PLCE1: variants seen among roughly 807,000 people sequenced by gnomAD.
PLCE1 encodes 1-phosphatidylinositol 4,5-bisphosphate phosphodiesterase epsilon-1.
PLCE1 carries 119 observed loss-of-function variants against 242.8 expected under a neutral mutation model. The observed-to-expected ratio is 0.49, with a 90% confidence interval of 0.42 to 0.57. The LOEUF is 0.57. Among genes scored for constraint, PLCE1 ranks in the 20% least tolerant of loss-of-function variants. The pLI is 0.00. For synonymous variants in PLCE1, 945 were observed against 1,017.4 expected, an observed-to-expected ratio of 0.93 and a Z score of 1.35; for missense variants, 2,441 against 2,788.8, an observed-to-expected ratio of 0.88 and a Z score of 2.81.
chr10:94,250,776 A>G (rs2050847724), intron 8 of PLCE1, among the ~76,000 whole-genome samples: 2 of 152,356 alleles, frequency 1.3e-5, no homozygotes, highest in South Asian at 4.1e-4. Flanking sequence ...GGGCCTATTA[A>G]GCTTTTAAAG....
At chr10:94,126,916 C>G (rs2046451698) in intron 2 of PLCE1, among the ~76,000 whole-genome samples, 2 of 152,098 alleles carry the variant, frequency 1.3e-5, no homozygotes, top group Non-Finnish European at 2.9e-5. Flanking sequence ...GATCTTTATC[C>G]CACTGTTGGG....
chr10:94,230,347 C>T (rs759290032), intron 5 of PLCE1, among the ~76,000 whole-genome samples: 23 of 152,002 alleles, frequency 1.5e-4, no homozygotes, highest in South Asian at 1.5e-3. Flanking sequence ...TTTTTTTAAA[C>T]GGAGCCTCAC....
chr10:94,098,674 C>G (rs1244129696), intron 2 of PLCE1, among the ~76,000 whole-genome samples: 2 of 152,148 alleles, frequency 1.3e-5, no homozygotes, highest in East Asian at 3.8e-4. Context: ...TTTATTCTCT[C>G]TTTATATACA....
intron 2 of PLCE1, among the ~76,000 whole-genome samples, chr10:94,115,158 A>G (rs957392215): frequency 2.0e-5 from 3 of 152,104 alleles, no homozygotes; most frequent in African/African-American, 2.4e-5. Context: ...TTCTTAATCC[A>G]GTCTATCATT....
At chr10:94,174,570 C>T (rs987286670) in intron 4 of PLCE1, among the ~76,000 whole-genome samples, 1 of 152,030 alleles carries the variant, frequency 6.6e-6, no homozygotes, top group African/African-American at 2.4e-5. Flanking sequence ...GTGATCAAGG[C>T]TAACATGATT....
intron 3 of PLCE1, among the ~76,000 whole-genome samples, chr10:94,159,905 G>A (rs1590151291): frequency 6.6e-6 from 1 of 152,136 alleles, no homozygotes; most frequent in Non-Finnish European, 1.5e-5. Context: ...TGCTGAGAAT[G>A]ATGGTTTCCA....
At chr10:94,161,773 TATG>T (rs1377361385) in intron 3 of PLCE1, among the ~76,000 whole-genome samples, 6 of 152,186 alleles carry the variant, frequency 3.9e-5, no homozygotes, top group African/African-American at 1.4e-4. Context: ...GCCCATTCAG[TATG>T]ATATTGGCTG....
At chr10:94,241,513 C>A (rs925307626) in intron 7 of PLCE1, among the ~76,000 whole-genome samples, 5 of 152,122 alleles carry the variant, frequency 3.3e-5, no homozygotes, top group African/African-American at 1.2e-4. Flanking sequence ...GCCCCTTGGC[C>A]GGGCATGGTG....
At chr10:94,137,975 C>A in intron 3 of PLCE1, 1 of 391,118 alleles carries the variant, frequency 2.6e-6, no homozygotes, top group South Asian at 2.5e-5. Flanking sequence ...CTCCATTCAT[C>A]CTGATAACAT....
At chr10:94,091,155 C>T (rs1010885677) in intron 2 of PLCE1, among the ~76,000 whole-genome samples, 1 of 152,120 alleles carries the variant, frequency 6.6e-6, no homozygotes, top group East Asian at 1.9e-4. Flanking sequence ...AATTGAGGAA[C>T]AATTGCCAGA....
intron 4 of PLCE1, among the ~76,000 whole-genome samples, chr10:94,174,272 C>T (rs1053851944): frequency 6.6e-5 from 10 of 152,020 alleles, no homozygotes; most frequent in Non-Finnish European, 1.2e-4. Context: ...GATATAAATA[C>T]ATCAGTGTGG....
At position 94,132,307 on chromosome 10, in the gene PLCE1, G is replaced by A. The variant is rs140876132; in HGVS notation, c.1340G>A (p.Arg447Gln). Residue 447 changes from arginine (R) to glutamine (Q), a missense_variant, in exon 3 of 33, where the codon CGA becomes CAA. Coordinates refer to ENST00000371380, the MANE Select transcript of PLCE1 (RefSeq NM_016341.4). ...GGTCCATGCTTAAAGCAATGTGTCC[G>A]AGACACTGTATGTGAGTATCGCGCC... ...SVGPCLKQCV[R>Q]DTVCEYRATL... 24 of 1,613,760 alleles carry A rather than the reference G, an allele frequency of 1.5e-5. No homozygotes were observed. Among genetic ancestry groups the A allele is most frequent in the African/African-American group, 2.7e-5 (2 of 74,836 alleles).
intron 29 of PLCE1, among the ~76,000 whole-genome samples, chr10:94,317,806 A>T (rs530070715): frequency 1.4e-4 from 22 of 152,198 alleles, no homozygotes; most frequent in Non-Finnish European, 2.9e-4. Flanking sequence ...TTTCTCTAGC[A>T]TAGACAGTCA....
chr10:94,260,303 G>T (rs2051252227), intron 13 of PLCE1, among the ~76,000 whole-genome samples: 1 of 152,110 alleles, frequency 6.6e-6, no homozygotes, highest in Admixed American at 6.6e-5. Context: ...GTATAAACAA[G>T]AATGTCTCAT....
At chr10:94,172,278 G>T (rs2048008402) in intron 4 of PLCE1, among the ~76,000 whole-genome samples, 3 of 152,090 alleles carry the variant, frequency 2.0e-5, no homozygotes, top group Non-Finnish European at 4.4e-5. Flanking sequence ...GGCTTAAAAG[G>T]CACTTTCTCT....
intron 22 of PLCE1, 35 bp downstream of exon 22, chr10:94,285,000 G>T: frequency 8.7e-7 from 1 of 1,155,680 alleles, no homozygotes; most frequent in Non-Finnish European, 1.3e-6. Flanking sequence ...AACTTTTAAA[G>T]ATATCAAAGG....
chr10:94,241,623 C>G (rs1026596711), intron 7 of PLCE1, among the ~76,000 whole-genome samples: 1 of 152,180 alleles, frequency 6.6e-6, no homozygotes, highest in African/African-American at 2.4e-5. Context: ...AACCCTGTCT[C>G]TACTAAAAAT....
At chr10:94,244,690 C>T (rs779933066) in intron 7 of PLCE1, among the ~76,000 whole-genome samples, 8 of 151,998 alleles carry the variant, frequency 5.3e-5, no homozygotes, top group Non-Finnish European at 8.8e-5. Context: ...CAAGGAGTGT[C>T]CTTTTTAAAT....
rs10636243 is a variant in PLCE1, at chr10:94,179,530, T to TTTTTTTTTTTTTGA, written c.1809+8034_1809+8035insTTTTTTTTTTTTGA. On this transcript the variant is annotated intron_variant, in intron 4 of 32. Transcript: ENST00000371380. ...TAGTTTAGTTTTTTTTTTTTTTTTT[T>TTTTTTTTTTTTTGA]GACAGGGTCTCTGTTGCCCAGGCTG... Among the ~76,000 whole-genome samples, 97 of 118,822 alleles carry TTTTTTTTTTTTTGA rather than the reference T, an allele frequency of 8.2e-4. 3 individuals carry two copies. Among genetic ancestry groups the TTTTTTTTTTTTTGA allele is most frequent in the Non-Finnish European group, 1.4e-3 (85 of 59,502 alleles). The allele number at this position is 118,822 out of a possible 152,430, so 78.0% of individuals were successfully genotyped here.
Sources: allele counts gnomAD v4.1 joint callset (sites outside exome capture counted in the v4.1 genomes callset), GRCh38; gene constraint gnomAD v4.1.1; transcripts MANE v1.5; gene names NCBI Gene and HGNC (gene_info 2026-07-23, HGNC 2026-07-21).